The following NDST3 variants were observed in gnomAD, a reference collection of about 807,000 sequenced individuals.
NDST3 encodes bifunctional heparan sulfate N-deacetylase/N-sulfotransferase 3.
NDST3 carries 58 observed loss-of-function variants against 96.1 expected under a neutral mutation model. The observed-to-expected ratio is 0.60, with a 90% confidence interval of 0.49 to 0.75. The LOEUF is 0.75. Among genes scored for constraint, NDST3 ranks in the 30% least tolerant of loss-of-function variants. The pLI is 0.00. For missense variants in NDST3, 788 were observed against 1,034.2 expected (o/e 0.76, Z 3.27); for synonymous variants, 333 against 359.7 (o/e 0.93, Z 0.84).
At chr4:118,061,388 T>C (rs895507172) in intron 2 of NDST3, among the ~76,000 whole-genome samples, 1 of 152,174 alleles carries the variant, frequency 6.6e-6, no homozygotes, top group Non-Finnish European at 1.5e-5. Flanking sequence ...CTGGCACTTA[T>C]GATCACCAAT....
intron 2 of NDST3, among the ~76,000 whole-genome samples, chr4:118,099,884 G>A (rs1196011655): frequency 6.6e-6 from 1 of 152,012 alleles, no homozygotes; most frequent in Non-Finnish European, 1.5e-5. Context: ...TGGTCAGAGA[G>A]AGACTAAGGT....
intron 2 of NDST3, among the ~76,000 whole-genome samples, chr4:118,064,104 T>C (rs2389509): frequency 6.6e-6 from 1 of 152,004 alleles, no homozygotes; most frequent in African/African-American, 2.4e-5. Context: ...TAGAGTGGCA[T>C]AGTGACAGCA....
At position 118,053,857 on chromosome 4, in the gene NDST3, CT is replaced by C; in HGVS notation, c.-50del. On this transcript the variant is annotated 5_prime_UTR_variant, in exon 2 of 14. Coordinates refer to ENST00000296499, the MANE Select transcript of NDST3 (RefSeq NM_004784.3). ...AAAAGTAGCTGGAACACCATCTTTT[CT>C]TTTAACTTTTTATGGTGCTTCTGTT... is the stretch of plus-strand genomic sequence containing the variant. 6.6e-7 allele frequency: 1 copy of C among 1,519,306 alleles called. No homozygotes were observed. Among genetic ancestry groups the C allele is most frequent in the Admixed American group, 2.2e-5 (1 of 45,480 alleles). The allele number at this position is 1,519,306 out of a possible 1,614,324, so 94.1% of individuals were successfully genotyped here. A position where few individuals can be genotyped will look rare whatever the true frequency, so the allele number is the denominator to read the frequency against.
intron 1 of NDST3, among the ~76,000 whole-genome samples, chr4:118,037,940 C>G (rs916359425): frequency 6.6e-6 from 1 of 152,144 alleles, no homozygotes; most frequent in Non-Finnish European, 1.5e-5. Flanking sequence ...CGTTTCTACT[C>G]TTTTTGCATC....
chr4:118,250,771 A>G (rs1260897663), intron 12 of NDST3, among the ~76,000 whole-genome samples: 1 of 152,086 alleles, frequency 6.6e-6, no homozygotes, highest in Non-Finnish European at 1.5e-5. Context: ...GGCGTCAGCC[A>G]TTGCACCCAG....
At chr4:118,073,296 GGTACCAGTTCT>G (rs563346746) in intron 2 of NDST3, among the ~76,000 whole-genome samples, 27 of 152,192 alleles carry the variant, frequency 1.8e-4, no homozygotes, top group Admixed American at 1.6e-3. Flanking sequence ...CAGTAGGAAT[GGTACCAGTTCT>G]TCTTTCTATG....
At chr4:118,053,559 C>T (rs1725215094) in intron 1 of NDST3, among the ~76,000 whole-genome samples, 197 bp from the exon 2 acceptor site, 1 of 151,768 alleles carries the variant, frequency 6.6e-6, no homozygotes, top group Non-Finnish European at 1.5e-5. Context: ...GAATAGAGGG[C>T]TCAATGGACC....
chr4:118,071,388 GT>G (rs1390474368), intron 2 of NDST3, among the ~76,000 whole-genome samples: 8 of 152,022 alleles, frequency 5.3e-5, no homozygotes, highest in African/African-American at 1.9e-4. Context: ...CCAATAGTTA[GT>G]TTTTTGATCC....
intron 2 of NDST3, among the ~76,000 whole-genome samples, chr4:118,087,951 A>G (rs1229982028): frequency 1.3e-5 from 2 of 152,084 alleles, no homozygotes; most frequent in Non-Finnish European, 2.9e-5. Flanking sequence ...CATAACAAGG[A>G]AACTCACCAT....
At chr4:118,202,618 A>T (rs1014199797) in intron 6 of NDST3, among the ~76,000 whole-genome samples, 1 of 152,060 alleles carries the variant, frequency 6.6e-6, no homozygotes, top group Non-Finnish European at 1.5e-5. Context: ...CTCAGCCTGG[A>T]CTTTGTTGGC....
rs973456312 is a variant in NDST3 at position 118,129,551 on chromosome 4, G to T, written c.1225-8503G>T. ...TTATTCCATTGTTGTCAGAGAAGAC[G>T]TTTGATATTGTTTAGATTTGTGTAA... is the stretch of plus-strand genomic sequence containing the variant. On this transcript the variant is annotated intron_variant, in intron 4 of 13. Coordinates refer to ENST00000296499, the MANE Select transcript of NDST3 (RefSeq NM_004784.3). 3.9e-5 allele frequency among the ~76,000 whole-genome samples: 6 copies of T among 151,902 alleles called. No homozygotes were observed. In the South Asian group the frequency reaches 1.2e-3, roughly 31 times the overall value.
intron 4 of NDST3, among the ~76,000 whole-genome samples, chr4:118,130,535 G>A (rs1458338562): frequency 9.9e-5 from 15 of 151,914 alleles, no homozygotes; most frequent in Non-Finnish European, 1.3e-4. Context: ...AAAAGTTTTT[G>A]TAGTTATTAC....
chr4:118,142,161 G>A (rs1042521355), intron 5 of NDST3, among the ~76,000 whole-genome samples: 1 of 151,744 alleles, frequency 6.6e-6, no homozygotes, highest in African/African-American at 2.4e-5. Context: ...AGGATCATGA[G>A]GATGCATAAT....
At chr4:118,094,700 G>A (rs1238416771) in intron 2 of NDST3, among the ~76,000 whole-genome samples, 1 of 151,758 alleles carries the variant, frequency 6.6e-6, no homozygotes, top group Non-Finnish European at 1.5e-5. Context: ...AGACTCTATT[G>A]GGAGCCTACT....
At chr4:118,178,877 A>G (rs1334950707) in intron 6 of NDST3, among the ~76,000 whole-genome samples, 2 of 152,010 alleles carry the variant, frequency 1.3e-5, no homozygotes, top group East Asian at 1.9e-4. Context: ...AGCTATCCTA[A>G]TAAGTTTGAG....
At position 118,105,018 on chromosome 4, in the gene NDST3, G is replaced by A. The variant is rs1730055680; in HGVS notation, c.982G>A (p.Ala328Thr). 6.2e-7 allele frequency: 1 copy of A among 1,611,164 alleles called. No homozygotes were observed. The highest frequency in any genetic ancestry group is 1.3e-5 in the African/African-American group (1 of 74,774). ...ACATTTTTTAAATTATGTATTTCAG[G>A]CCCTGCTTGATACTCAGAATCTTTT... ...GTRMNTNDVK[A>T]LLDTQNLLRA... is the part of the protein sequence containing the mutation. Residue 328 changes from alanine (A) to threonine (T), a missense_variant and splice_region_variant, in exon 3 of 14, where the codon GCC (alanine) becomes ACC (threonine). Ala to Thr is a moderately conservative substitution (Grantham distance 58, BLOSUM62 0). Transcript: ENST00000296499.
At chr4:118,242,869 G>A (rs1330506718) in intron 12 of NDST3, among the ~76,000 whole-genome samples, 1 of 152,068 alleles carries the variant, frequency 6.6e-6, no homozygotes, top group Non-Finnish European at 1.5e-5. Context: ...GCCCATGCCT[G>A]AGACTGAGTG....
chr4:118,138,476 G>A (rs866211074), intron 5 of NDST3, among the ~76,000 whole-genome samples: 1 of 152,140 alleles, frequency 6.6e-6, no homozygotes, highest in Non-Finnish European at 1.5e-5. Flanking sequence ...AGCAGGCACT[G>A]ATGTTAAAAT....
intron 6 of NDST3, among the ~76,000 whole-genome samples, chr4:118,222,467 C>T (rs1049319468): frequency 2.0e-5 from 3 of 151,832 alleles, no homozygotes; most frequent in Non-Finnish European, 2.9e-5. Context: ...TTATGGCCTT[C>T]AGGGGCACAA....
Sources: allele counts gnomAD v4.1 joint callset (sites outside exome capture counted in the v4.1 genomes callset), GRCh38; gene constraint gnomAD v4.1.1; transcripts MANE v1.5; gene names NCBI Gene and HGNC (gene_info 2026-07-23, HGNC 2026-07-21).